Variants in TRIOBP observed in about 807,000 individuals in gnomAD.
TRIOBP encodes TRIO and F-actin binding protein, also known as TRIO and F-actin-binding protein.
TRIOBP carries 169 observed loss-of-function variants against 238.8 expected under a neutral mutation model. The ratio of observed to expected loss-of-function variants is 0.71; its 90% confidence interval spans 0.62 to 0.80. The LOEUF is 0.80. TRIOBP is among the 30% of genes least tolerant of loss of function. The pLI, the probability that TRIOBP is intolerant of heterozygous loss-of-function variation, is 0.00. For missense variants in TRIOBP, 2,838 were observed against 3,122.6 expected (o/e 0.91, Z 2.17); for synonymous variants, 1,150 against 1,274.4 (o/e 0.90, Z 2.08).
intron 9 of TRIOBP, among the ~76,000 whole-genome samples, chr22:37,736,875 C>G (rs1924698840): frequency 6.6e-6 from 1 of 152,200 alleles, no homozygotes; most frequent in Non-Finnish European, 1.5e-5. Flanking sequence ...GATGCATCCA[C>G]CTTGGCCTCC....
At chr22:37,750,386 A>G (rs1373187126) in intron 11 of TRIOBP, among the ~76,000 whole-genome samples, 1 of 152,220 alleles carries the variant, frequency 6.6e-6, no homozygotes. Context: ...ACCAGGGGGT[A>G]GATATTTCCT....
chr22:37,745,090 C>T (rs369699829), intron 11 of TRIOBP, among the ~76,000 whole-genome samples: 385 of 152,218 alleles, frequency 2.5e-3, no homozygotes, highest in African/African-American at 8.8e-3. Context: ...CTCTTGAACT[C>T]CTGATCTCAA....
At chr22:37,728,994 C>T (rs913901961) in intron 7 of TRIOBP, among the ~76,000 whole-genome samples, 4 of 152,100 alleles carry the variant, frequency 2.6e-5, no homozygotes, top group Admixed American at 2.0e-4. Context: ...TGGCTCACTG[C>T]AACCTCTGCC....
At chr22:37,764,010 C>T (rs1013391931) in intron 17 of TRIOBP, among the ~76,000 whole-genome samples, 3 of 152,226 alleles carry the variant, frequency 2.0e-5, no homozygotes, top group Non-Finnish European at 4.4e-5. Context: ...TCTCCTGCCA[C>T]GTCACTCTGA....
chr22:37,746,053 C>CCCGCCGTG (rs1925225314), intron 11 of TRIOBP, among the ~76,000 whole-genome samples: 1 of 139,260 alleles, frequency 7.2e-6, no homozygotes, highest in East Asian at 2.1e-4. Context: ...ACCCCGCCGT[C>CCCGCCGTG]CCGCCGTCCC....
rs1484445897 is a variant in TRIOBP at position 37,725,528 on chromosome 22, C to T, written c.2972C>T (p.Thr991Ile). 1.2e-6 allele frequency: 2 copies of T among 1,613,730 alleles called. No homozygotes were observed. Among genetic ancestry groups the T allele is most frequent in the Non-Finnish European group, 1.7e-6 (2 of 1,180,006 alleles). The change falls in exon 7 of 24, where the codon ACT becomes ATT. Residue 991 changes from threonine to isoleucine, a missense_variant. Thr to Ile is a moderately conservative substitution (Grantham distance 89). Coordinates refer to ENST00000644935, the MANE Select transcript of TRIOBP (RefSeq NM_001039141.3). ...HNPGHQSTSR[T>I]SSPVYPAAYG... ...CCAGGCCACCAGAGCACCTCCCGAA[C>T]TTCCTCACCTGTGTACCCCGCTGCC...
In TRIOBP at chr22:37,757,627, A is replaced by G. The variant is rs1226346244; in HGVS notation, c.5702A>G (p.Asn1901Ser). 6.3e-7 allele frequency: 1 copy of G among 1,587,290 alleles called. No individual in the cohort carries two copies. Residue 1901 changes from asparagine to serine, a missense_variant, in exon 16 of 24, where the codon AAC (asparagine) becomes AGC (serine). This residue lies in a region of TRIOBP where 2,096 missense variants were observed against 2,137.4 expected (regional missense o/e 0.98). Coordinates refer to ENST00000644935, the MANE Select transcript of TRIOBP (RefSeq NM_001039141.3). ...TGGTGCCCTAGGCTCTCGGACTCTAACAAGGAGAACGCGCTGCACAGCTAC... is the reference window on the plus strand; with the variant it reads ...TGGTGCCCTAGGCTCTCGGACTCTAGCAAGGAGAACGCGCTGCACAGCTAC... ...APDVTKLSDSNKENALHSYST... is the reference protein window; with the variant it reads ...APDVTKLSDSSKENALHSYST...
At chr22:37,742,295 G>A (rs1451613821) in intron 11 of TRIOBP, among the ~76,000 whole-genome samples, 25 of 115,152 alleles carry the variant, frequency 2.2e-4, no homozygotes, top group Non-Finnish European at 1.2e-4. Context: ...ATAGAGTCTC[G>A]TTCTACCCCC....
intron 6 of TRIOBP, among the ~76,000 whole-genome samples, chr22:37,716,965 A>C (rs1923553250): frequency 6.6e-6 from 1 of 152,206 alleles, no homozygotes; most frequent in Non-Finnish European, 1.5e-5. Flanking sequence ...ATGGTTTCAA[A>C]GTATTGTGTC....
chr22:37,731,312 A>G (rs1016854945), intron 7 of TRIOBP, among the ~76,000 whole-genome samples: 1 of 151,458 alleles, frequency 6.6e-6, no homozygotes, highest in African/African-American at 2.4e-5. Flanking sequence ...TCATTAAAAA[A>G]ATTTTTTTTT....
intron 17 of TRIOBP, chr22:37,759,958 C>T (rs1401143106): frequency 4.5e-6 from 1 of 220,266 alleles, no homozygotes. Flanking sequence ...TTGTGAATTC[C>T]GTACAGCAAA....
chr22:37,764,133 C>T (rs117552848), intron 17 of TRIOBP, among the ~76,000 whole-genome samples: 22 of 152,282 alleles, frequency 1.4e-4, no homozygotes, highest in Non-Finnish European at 3.1e-4. Context: ...GATAATCTCC[C>T]GATTTTAAGG....
At chr22:37,721,244 C>T (rs1006099367) in intron 6 of TRIOBP, among the ~76,000 whole-genome samples, 1 of 152,020 alleles carries the variant, frequency 6.6e-6, no homozygotes, top group African/African-American at 2.4e-5. Flanking sequence ...AACTCCTGAC[C>T]TCAGATGATC....
At chr22:37,731,504 T>A (rs1476300782) in intron 7 of TRIOBP, among the ~76,000 whole-genome samples, 1 of 151,708 alleles carries the variant, frequency 6.6e-6, no homozygotes, top group Non-Finnish European at 1.5e-5. Flanking sequence ...TCACCCAGGC[T>A]GGAGTGCAGT....
chr22:37,771,037 A>G (rs1926749385), intron 21 of TRIOBP, among the ~76,000 whole-genome samples: 1 of 152,200 alleles, frequency 6.6e-6, no homozygotes. Context: ...GTACCTAGAA[A>G]TTCTGGAAGC....
At chr22:37,723,078 G>T (rs932307109) in intron 6 of TRIOBP, 107 bp from the exon 7 acceptor site, 3 of 1,071,308 alleles carry the variant, frequency 2.8e-6, no homozygotes, top group Non-Finnish European at 4.1e-6. Context: ...GTAGGAGGAG[G>T]GTGTGGGGTT....
At chr22:37,705,055 A>G (rs1452592819) in intron 3 of TRIOBP, among the ~76,000 whole-genome samples, 1 of 152,180 alleles carries the variant, frequency 6.6e-6, no homozygotes, top group African/African-American at 2.4e-5. Context: ...CCTGGGCAAC[A>G]GAATGAGACC....
rs1923486482 is a variant in TRIOBP at position 37,715,836 on chromosome 22, G to A, written c.530G>A (p.Arg177Lys). ...GAGCTCGCAGTGATGATCCCGAGGA[G>A]GCCTCGGGAGGGGCCGAGAGCTGAC... ...WDELAVMIPR[R>K]PREGPRADSS... Residue 177 changes from arginine (R) to lysine (K), a missense_variant, in exon 6 of 24, where the codon AGG (arginine) becomes AAG (lysine). Physicochemically the swap from Arg to Lys is conservative, Grantham distance 26 (BLOSUM62 2). Around this residue, in one of 5 missense-constraint regions of TRIOBP, gnomAD observed 535 missense variants for 537.3 expected, o/e 1.00. Transcript: ENST00000644935. 5 of 1,614,074 alleles carry A rather than the reference G, an allele frequency of 3.1e-6. No homozygotes were observed. Among genetic ancestry groups the A allele is most frequent in the Non-Finnish European group, 4.2e-6 (5 of 1,180,000 alleles).
Position 37,721,024 on chromosome 22 carries a change from A to ATT in TRIOBP, c.629-2144_629-2143dup, listed in dbSNP as rs11312598. On this transcript the variant is annotated intron_variant, in intron 6 of 23. Transcript: ENST00000644935. ...AGGCATGCACTACTGCATCCGGCTA[A>ATT]TTTTTTTTTTTTTTTTTTGTATTTT... Among the ~76,000 whole-genome samples, 38 of 133,346 alleles carry ATT rather than the reference A, an allele frequency of 2.8e-4. 1 individual carries two copies. Among genetic ancestry groups the ATT allele is most frequent in the African/African-American group, 9.2e-4 (32 of 34,964 alleles). The allele number at this position is 133,346 out of a possible 152,430, so 87.5% of individuals were successfully genotyped here. A position where few individuals can be genotyped will look rare whatever the true frequency, so the allele number is the denominator to read the frequency against.
Sources: allele counts gnomAD v4.1 joint callset (sites outside exome capture counted in the v4.1 genomes callset), GRCh38; gene constraint gnomAD v4.1.1; regional missense constraint gnomAD v4.1.1; transcripts MANE v1.5; gene names NCBI Gene and HGNC (gene_info 2026-07-23, HGNC 2026-07-21).